The following EXOC3L4 variants were observed in gnomAD, a reference collection of about 807,000 sequenced individuals.
EXOC3L4 encodes the protein exocyst complex component 3-like protein 4.
EXOC3L4 carries 62 observed loss-of-function variants against 69.7 expected under a neutral mutation model. That is an observed-to-expected ratio of 0.89 (90% CI 0.72 to 1.10). The LOEUF (loss-of-function observed/expected upper bound fraction) is 1.10. EXOC3L4 is among the 50% of genes least tolerant of loss of function. EXOC3L4 has a pLI of 0.00. For synonymous variants in EXOC3L4, 502 were observed against 464.2 expected, an observed-to-expected ratio of 1.08 and a Z score of -1.05; for missense variants, 1,087 against 1,034.8, an observed-to-expected ratio of 1.05 and a Z score of -0.69.
At position 103,100,215 on chromosome 14, in the gene EXOC3L4, C is replaced by A; in HGVS notation, c.-5C>A. The A allele has an allele frequency of 6.4e-7, 1 of 1,566,928 alleles. No homozygotes were observed. The highest frequency in any genetic ancestry group is 1.8e-5 in the Admixed American group (1 of 55,258). On this transcript the variant is annotated 5_prime_UTR_variant, in exon 2 of 12. Transcript: ENST00000688303. ...CTTCTTGCCCCCAGCTCTCCTGCTG[C>A]CAAGATGCCATCACCACAGACAGAC...
At chr14:103,094,418 C>G (rs930870158), upstream of EXOC3L4, among the ~76,000 whole-genome samples, 6 of 152,166 alleles carry the variant, frequency 3.9e-5, no homozygotes, top group African/African-American at 1.4e-4. Context: ...AGGCCAGCGC[C>G]TGCTTCCGCT....
intron 3 of EXOC3L4, chr14:103,103,457 G>A (rs1430709405): frequency 6.4e-6 from 1 of 156,820 alleles, no homozygotes; most frequent in Admixed American, 6.5e-5. Flanking sequence ...TGCGGGGAGC[G>A]GCCACCTCCC....
chr14:103,108,271 CAG>C, intron 10 of EXOC3L4, 123 bp from the exon 11 acceptor site: 4 of 1,415,910 alleles, frequency 2.8e-6, no homozygotes, highest in Non-Finnish European at 3.8e-6. Context: ...GGCACCGAGC[CAG>C]AGTGACTACA....
rs1890285602 is a variant in EXOC3L4, at chr14:103,102,810, T to C, written c.1049+38T>C. The C allele has an allele frequency of 2.3e-6, 3 of 1,311,920 alleles. No individual in the cohort carries two copies. In the South Asian group the frequency reaches 6.5e-5, roughly 29 times the overall value. The allele number at this position is 1,311,920 out of a possible 1,614,324, so 81.3% of individuals were successfully genotyped here. A position where few individuals can be genotyped will look rare whatever the true frequency, so the allele number is the denominator to read the frequency against. On this transcript the variant is annotated intron_variant, in intron 3 of 11. Coordinates refer to ENST00000688303, the MANE Select transcript of EXOC3L4 (RefSeq NM_001077594.2). ...CAGGGCGCCCAGTGGCGAGGACAGC[T>C]GCCGCTTCCTCCGCAGGCCTTGGGG... is the stretch of plus-strand genomic sequence containing the variant.
At position 103,108,376 on chromosome 14, in the gene EXOC3L4, G is replaced by A. The variant is rs1231580291; in HGVS notation, c.1855-20G>A. ...GGTGGGGAGAGGGCTGTTGGGGCAG[G>A]CGGTGGCTCTGTCTCGCAGGGTTCC... is the stretch of plus-strand genomic sequence containing the variant. On this transcript the variant is annotated intron_variant, in intron 10 of 11. Coordinates refer to ENST00000688303, the MANE Select transcript of EXOC3L4 (RefSeq NM_001077594.2). 1 of 1,611,236 alleles carries A rather than the reference G, an allele frequency of 6.2e-7. No homozygotes were observed.
Position 103,103,965 on chromosome 14 carries a change from G to A in EXOC3L4, c.1074G>A (p.Gly358=), listed in dbSNP as rs1357508660. The A allele has an allele frequency of 1.3e-6, 2 of 1,548,366 alleles. No individual in the cohort carries two copies. The highest frequency in any genetic ancestry group is 1.9e-5 in the Admixed American group (1 of 52,782). Residue 358 remains glycine, a synonymous_variant, in exon 4 of 12, where the codon GGG becomes GGA. Transcript: ENST00000688303. ...GTCCTGACTTCCTGGGCGCCCCGGG[G>A]CTGGCGCTGCCCGCCGAGCCGCTGC... is the stretch of plus-strand genomic sequence containing the variant. ...YGSPDFLGAP[G]LALPAEPLPP... is the part of the protein sequence containing the mutation.
At chr14:103,103,347 T>G (rs531650773) in intron 3 of EXOC3L4, among the ~76,000 whole-genome samples, 1 of 82,462 alleles carries the variant, frequency 1.2e-5, no homozygotes, top group Non-Finnish European at 2.4e-5. Flanking sequence ...AGAGCAAGAC[T>G]CTGTCTCAAA....
At chr14:103,108,198 A>C (rs1027085584) in intron 10 of EXOC3L4, among the ~76,000 whole-genome samples, 198 bp from the exon 11 acceptor site, 3 of 152,104 alleles carry the variant, frequency 2.0e-5, no homozygotes, top group Non-Finnish European at 4.4e-5. Flanking sequence ...AAGGCTGTGT[A>C]GCCAGCCCAT....
intron 2 of EXOC3L4, among the ~76,000 whole-genome samples, chr14:103,101,812 T>A (rs1323074637): frequency 1.3e-5 from 2 of 152,198 alleles, no homozygotes; most frequent in African/African-American, 2.4e-5. Flanking sequence ...CATGAGGCTA[T>A]CAGGTCCGGC....
rs1352896417 is a variant in EXOC3L4, at chr14:103,097,285, C to T, written c.-17+2445C>T. Among the ~76,000 whole-genome samples the T allele has an allele frequency of 6.6e-6, 1 of 152,140 alleles. No individual in the cohort carries two copies. Among genetic ancestry groups the T allele is most frequent in the Non-Finnish European group, 1.5e-5 (1 of 68,018 alleles). ...TAGCCTGACCTGGGGAGAGTGGGAC[C>T]CGGGGCTCAGGCCGGGCGTCAGTCT... is the stretch of plus-strand genomic sequence containing the variant. On this transcript the variant is annotated intron_variant, in intron 1 of 11. Transcript: ENST00000688303. The surrounding 1 kb of genome is among the most constrained non-coding windows in gnomAD (Gnocchi z 4.9).
chr14:103,102,441 C>A lies in EXOC3L4; in HGVS notation c.718C>A (p.Arg240Ser). 3 of 1,508,346 alleles carry A rather than the reference C, an allele frequency of 2.0e-6. No homozygotes were observed. The highest frequency in any genetic ancestry group is 5.3e-5 in the East Asian group (2 of 37,994). The allele number at this position is 1,508,346 out of a possible 1,614,324, so 93.4% of individuals were successfully genotyped here. The change falls in exon 3 of 12, where the codon CGC (arginine) becomes AGC (serine). Residue 240 changes from arginine to serine, a missense_variant. Transcript: ENST00000688303. ...CGGCGACTTCCTGCGCACGCCGCGC[C>A]GCTGGCGCCAGCACTGGGAGGAGGC... Reference protein sequence around the residue: ...DDGDFLRTPRRWRQHWEEAVR... With the variant: ...DDGDFLRTPRSWRQHWEEAVR...
rs1386678889 is a variant in EXOC3L4 at position 103,110,465 on chromosome 14, GC to G, written c.*243del. 13 of 577,396 alleles carry G rather than the reference GC, an allele frequency of 2.3e-5. No homozygotes were observed. The highest frequency in any genetic ancestry group is 9.9e-5 in the East Asian group (3 of 30,446). 35.8% of individuals were successfully genotyped at this position (577,396 alleles called of 1,614,324 possible). A position where few individuals can be genotyped will look rare whatever the true frequency, so the allele number is the denominator to read the frequency against. On this transcript the variant is annotated 3_prime_UTR_variant, in exon 12 of 12. Coordinates refer to ENST00000688303, the MANE Select transcript of EXOC3L4 (RefSeq NM_001077594.2). ...CAGAGCTCTCAATGCTGCCTATCGG[GC>G]GGGGGGGGGCCTCCCGCCCGACTGT...
Position 103,110,163 on chromosome 14 carries a change from C to A in EXOC3L4, c.2109C>A (p.Arg703=). Reference sequence around the variant, plus strand: ...CGGGTGCGGAGGCCCCTCGGGGCCGCGTGCTCTTCGAGGAGATCAAGGTGC... The same window carrying A: ...CGGGTGCGGAGGCCCCTCGGGGCCGAGTGCTCTTCGAGGAGATCAAGGTGC... The part of the protein sequence containing the change: ...GAAGAEAPRG[R]VLFEEIKVPS... Residue 703 remains arginine (R), a synonymous_variant, in exon 12 of 12, where the codon CGC becomes CGA. Transcript: ENST00000688303. 6.5e-7 allele frequency: 1 copy of A among 1,538,634 alleles called. No homozygotes were observed.
chr14:103,106,675 A>G (rs1389547704), intron 7 of EXOC3L4, 110 bp from the exon 8 acceptor site: 2 of 638,348 alleles, frequency 3.1e-6, no homozygotes, highest in African/African-American at 3.7e-5. Context: ...GGGGAGCCCC[A>G]CGGGCTGCCC....
At chr14:103,107,038 G>C in intron 8 of EXOC3L4, 139 bp downstream of exon 8, 1 of 756,936 alleles carries the variant, frequency 1.3e-6, no homozygotes, top group South Asian at 2.0e-5. Context: ...AGTGGGCAGG[G>C]GACCCAGGTG....
intron 8 of EXOC3L4, 58 bp downstream of exon 8, chr14:103,106,957 C>T: frequency 1.5e-6 from 2 of 1,371,904 alleles, no homozygotes; most frequent in Non-Finnish European, 2.0e-6. Context: ...CCCCCTATTT[C>T]CTAGAGCCTG....
At chr14:103,106,650 G>T in intron 7 of EXOC3L4, 135 bp from the exon 8 acceptor site, 1 of 587,636 alleles carries the variant, frequency 1.7e-6, no homozygotes, top group South Asian at 2.1e-5. Flanking sequence ...GACTCTGCTC[G>T]CAGACAGCTA....
chr14:103,101,955 G>T (rs1387851656), intron 2 of EXOC3L4, among the ~76,000 whole-genome samples, 163 bp from the exon 3 acceptor site: 1 of 152,274 alleles, frequency 6.6e-6, no homozygotes, highest in Non-Finnish European at 1.5e-5. Context: ...GCTCCTGGCA[G>T]CTGGGGCCTG....
chr14:103,106,258 C>G (rs1241629992), intron 7 of EXOC3L4, among the ~76,000 whole-genome samples: 1 of 152,232 alleles, frequency 6.6e-6, no homozygotes, highest in Non-Finnish European at 1.5e-5. Context: ...CTCCAACACT[C>G]TCGTCCTTAA....
Sources: gnomAD v4.1 joint callset for allele counts (sites outside exome capture counted in the v4.1 genomes callset) on GRCh38, gnomAD v4.1.1 for gene constraint, Gnocchi (gnomAD v3.1) non-coding constraint, MANE v1.5 for transcripts, NCBI Gene and HGNC (gene_info 2026-07-23, HGNC 2026-07-21) for gene names.